The following SCIMP variants were observed in gnomAD, a reference collection of about 807,000 sequenced individuals.
SCIMP encodes the protein SLP adapter and CSK-interacting membrane protein.
Under a neutral mutation model 22.0 loss-of-function variants are expected in SCIMP, and 18 were observed. The ratio of observed to expected loss-of-function variants is 0.82; its 90% CI spans 0.56 to 1.21. SCIMP has a LOEUF of 1.21. Among genes scored for constraint, SCIMP ranks in the 50% most tolerant of loss-of-function variants. SCIMP has a pLI of 0.00. For synonymous variants in SCIMP, 53 were observed against 62.2 expected, an observed-to-expected ratio of 0.85 and a Z score of 0.70; for missense variants, 155 against 171.2, an observed-to-expected ratio of 0.91 and a Z score of 0.53.
At position 5,232,682 on chromosome 17, in the gene SCIMP, C is replaced by G. The variant is rs925439323; in HGVS notation, c.21+2053G>C. ...AATTCCCCGACTGTTGCTGTTCATG[C>G]TAAGTGAGGCCTTGTTCCCACTCGT... On this transcript the variant is annotated intron_variant, in intron 1 of 4. Coordinates refer to ENST00000574081, the MANE Select transcript of SCIMP (RefSeq NM_207103.3). 2.0e-5 allele frequency among the ~76,000 whole-genome samples: 3 copies of G among 152,044 alleles called. No homozygotes were observed. The East Asian group carries it at 5.8e-4, about 29-fold the overall frequency.
At chr17:5,212,620 C>T (rs577649429) in intron 4 of SCIMP, among the ~76,000 whole-genome samples, 11 of 151,964 alleles carry the variant, frequency 7.2e-5, no homozygotes, top group East Asian at 3.9e-4. Context: ...GGCGACAGAC[C>T]GAGACTCCAT....
At chr17:5,231,519 A>G (rs2585291) in intron 1 of SCIMP, among the ~76,000 whole-genome samples, 87,147 of 151,908 alleles carry the variant, frequency 0.57, 26,620 homozygotes, top group Non-Finnish European at 0.7. Flanking sequence ...TCCATCTTCC[A>G]TCATGCTAAT....
Position 5,221,353 on chromosome 17 carries a change from A to G in SCIMP, c.146-3T>C, listed in dbSNP as rs1567840658. 1 of 1,609,724 alleles carries G rather than the reference A, an allele frequency of 6.2e-7. No homozygotes were observed. Among genetic ancestry groups the G allele is most frequent in the Admixed American group, 1.7e-5 (1 of 59,998 alleles). ...CTTGGCAATTTCCCATTTCTTGCCT[A>G]AGAGGGGAAAAGCATGTTCATTGAA... On this transcript the variant is annotated splice_region_variant and splice_polypyrimidine_tract_variant and intron_variant, in intron 2 of 4. Coordinates refer to ENST00000574081, the MANE Select transcript of SCIMP (RefSeq NM_207103.3).
chr17:5,213,259 CTTT>C (rs11409123), intron 4 of SCIMP: 604 of 877,982 alleles, frequency 6.9e-4, no homozygotes, highest in Middle Eastern at 3.4e-3. Flanking sequence ...TTTTCCATCC[CTTT>C]TTTTTTTTTT....
chr17:5,212,142 A>G (rs2074530452), intron 4 of SCIMP, among the ~76,000 whole-genome samples: 1 of 152,242 alleles, frequency 6.6e-6, no homozygotes, highest in Non-Finnish European at 1.5e-5. Context: ...GCTCAGCTCC[A>G]TCTTTGATGG....
chr17:5,211,400 T>A (rs1473977513), intron 4 of SCIMP, among the ~76,000 whole-genome samples: 1 of 151,926 alleles, frequency 6.6e-6, no homozygotes, highest in Non-Finnish European at 1.5e-5. Flanking sequence ...GGTGCATGCC[T>A]ATAGTCCCAG....
intron 4 of SCIMP, chr17:5,214,342 G>A (rs886303808): frequency 2.0e-5 from 3 of 153,034 alleles, no homozygotes; most frequent in Admixed American, 6.5e-5. Flanking sequence ...AGATCATGAG[G>A]TCAGGAAATT....
chr17:5,229,097 T>G (rs1340039002), intron 1 of SCIMP, among the ~76,000 whole-genome samples: 1 of 152,188 alleles, frequency 6.6e-6, no homozygotes, highest in Admixed American at 6.6e-5. Flanking sequence ...GGCAATCCAA[T>G]GCTGGGGAGG....
intron 1 of SCIMP, among the ~76,000 whole-genome samples, chr17:5,232,141 G>A (rs894184711): frequency 2.0e-5 from 3 of 152,356 alleles, no homozygotes; most frequent in South Asian, 4.1e-4. Context: ...TCAAGAGGAG[G>A]AGCTGATAGA....
At chr17:5,224,402 G>A (rs2074632058) in intron 1 of SCIMP, among the ~76,000 whole-genome samples, 1 of 151,480 alleles carries the variant, frequency 6.6e-6, no homozygotes, top group Admixed American at 6.6e-5. Flanking sequence ...CTCCCAAAGT[G>A]CTGGGATTAC....
chr17:5,231,781 G>A (rs558457879), intron 1 of SCIMP, among the ~76,000 whole-genome samples: 1 of 152,152 alleles, frequency 6.6e-6, no homozygotes, highest in African/African-American at 2.4e-5. Flanking sequence ...TTGGCGGGAC[G>A]CGGTGGCTCA....
At chr17:5,211,921 G>T (rs1320816872) in intron 4 of SCIMP, among the ~76,000 whole-genome samples, 2 of 152,052 alleles carry the variant, frequency 1.3e-5, no homozygotes, top group Non-Finnish European at 2.9e-5. Context: ...GATGGCGGGT[G>T]CCTATAATCC....
rs2074621316 is a variant in SCIMP, at chr17:5,223,205, T to C, written c.145+128A>G. On this transcript the variant is annotated intron_variant, in intron 2 of 4. Transcript: ENST00000574081. ...GCAGGGTTAGGACTCAAACCCAGAA[T>C]GCAAGATGCTTAATCCAAAATTCAG... The C allele has an allele frequency of 3.1e-6, 3 of 953,862 alleles. No homozygotes were observed. In the Admixed American group the frequency reaches 6.6e-5, roughly 21 times the overall value. The allele number at this position is 953,862 out of a possible 1,614,324, so 59.1% of individuals were successfully genotyped here.
intron 1 of SCIMP, among the ~76,000 whole-genome samples, chr17:5,229,510 T>C (rs578028076): frequency 5.8e-4 from 87 of 150,158 alleles, no homozygotes; most frequent in Non-Finnish European, 1.2e-3. Context: ...TCTCCTGTCT[T>C]AGCCTCCCAA....
At chr17:5,222,896 C>T (rs1299205156) in intron 2 of SCIMP, among the ~76,000 whole-genome samples, 1 of 151,994 alleles carries the variant, frequency 6.6e-6, no homozygotes, top group Non-Finnish European at 1.5e-5. Flanking sequence ...AACTCCTGAC[C>T]TCAGAGGATC....
chr17:5,226,127 G>A lies in SCIMP; in HGVS notation c.22-2671C>T, dbSNP rs147642943. Among the ~76,000 whole-genome samples, 1,522 of 152,232 alleles carry A rather than the reference G, an allele frequency of 1.0e-2. 23 individuals are homozygous for A. Among genetic ancestry groups the A allele is most frequent in the African/African-American group, 0.035 (1,445 of 41,534 alleles). On this transcript the variant is annotated intron_variant, in intron 1 of 4. Coordinates refer to ENST00000574081, the MANE Select transcript of SCIMP (RefSeq NM_207103.3). ...TTAGAGCGATAGAAATAAATACCAC[G>A]ACCTGCGCATTCAAAGCTGTTGTAT... is the stretch of plus-strand genomic sequence containing the variant.
In SCIMP at chr17:5,210,966, CA is replaced by C. The variant is rs767833712; in HGVS notation, c.284-12del. 4.4e-6 allele frequency: 7 copies of C among 1,592,234 alleles called. No individual in the cohort carries two copies. The South Asian group carries it at 8.1e-5, about 18-fold the overall frequency. On this transcript the variant is annotated splice_polypyrimidine_tract_variant and intron_variant, in intron 4 of 4. Coordinates refer to ENST00000574081, the MANE Select transcript of SCIMP (RefSeq NM_207103.3). The stretch of plus-strand genomic sequence containing the variant: ...GGGCTTCCTGTGGGGCTAGAATACA[CA>C]AAAAGCTCCTTAGATGCAAAGCTGT...
intron 1 of SCIMP, among the ~76,000 whole-genome samples, chr17:5,226,609 G>A (rs9891170): frequency 0.48 from 72,354 of 150,520 alleles, 19,979 homozygotes; most frequent in Non-Finnish European, 0.64. Flanking sequence ...CAGTTCAAGC[G>A]ATTCTTCTGC....
At chr17:5,218,301 A>G (rs1412406155) in intron 3 of SCIMP, among the ~76,000 whole-genome samples, 1 of 150,840 alleles carries the variant, frequency 6.6e-6, no homozygotes, top group Non-Finnish European at 1.5e-5. Context: ...CTGGGATTAT[A>G]GGCATGAACC....
Sources: allele counts gnomAD v4.1 joint callset (sites outside exome capture counted in the v4.1 genomes callset), GRCh38; gene constraint gnomAD v4.1.1; transcripts MANE v1.5; gene names NCBI Gene and HGNC (gene_info 2026-07-23, HGNC 2026-07-21).